The following TSC22D1 variants were observed in gnomAD, a reference collection of about 807,000 sequenced individuals.
TSC22D1 encodes the protein TSC22 domain family member 1, also known as TSC22 domain family protein 1.
A neutral mutation model predicts 74.2 loss-of-function variants in TSC22D1; 9 were observed. The observed-to-expected ratio is 0.12, with a 90% confidence interval of 0.07 to 0.21. The LOEUF (loss-of-function observed/expected upper bound fraction) is 0.21, where lower values mean the gene tolerates loss of function less well. Ranked by LOEUF, TSC22D1 falls within the 10% of genes least tolerant of loss-of-function variation. TSC22D1 has a pLI of 1.00. For missense variants in TSC22D1, 1,427 were observed against 1,304.7 expected (o/e 1.09, Z -1.44); for synonymous variants, 586 against 492.5 (o/e 1.19, Z -2.51).
intron 1 of TSC22D1, among the ~76,000 whole-genome samples, chr13:44,554,117 ACAGAACTAT>A (rs1439116240): frequency 2.8e-4 from 42 of 152,240 alleles, no homozygotes; most frequent in Admixed American, 6.5e-5. Flanking sequence ...CCATCGATTT[ACAGAACTAT>A]CAAGAACTGA....
intron 1 of TSC22D1, among the ~76,000 whole-genome samples, chr13:44,523,572 A>G (rs1377000011): frequency 1.3e-5 from 2 of 152,184 alleles, no homozygotes; most frequent in African/African-American, 4.8e-5. Context: ...GAAAGGCAAA[A>G]CTAGACAGAT....
chr13:44,474,830 G>A (rs2137917053), intron 1 of TSC22D1, among the ~76,000 whole-genome samples: 1 of 152,092 alleles, frequency 6.6e-6, no homozygotes, highest in African/African-American at 2.4e-5. Flanking sequence ...CAAAACCCAG[G>A]CAAGCAGGTA....
chr13:44,543,726 G>A (rs1203910102), intron 1 of TSC22D1, among the ~76,000 whole-genome samples: 2 of 152,206 alleles, frequency 1.3e-5, no homozygotes, highest in Non-Finnish European at 2.9e-5. Flanking sequence ...ATTTTGTCAA[G>A]TGGCCGATAT....
At chr13:44,494,037 C>A (rs1878843616) in intron 1 of TSC22D1, among the ~76,000 whole-genome samples, 1 of 152,044 alleles carries the variant, frequency 6.6e-6, no homozygotes, top group African/African-American at 2.4e-5. Context: ...TCAAGACCAG[C>A]CTGGGCAACA....
chr13:44,436,926 G>A (rs891016850), intron 1 of TSC22D1: 8 of 1,048,816 alleles, frequency 7.6e-6, no homozygotes, highest in Non-Finnish European at 9.2e-6. Context: ...GCACGCCACT[G>A]GGACCGCCCC....
chr13:44,537,338 A>G, intron 1 of TSC22D1: 2 of 985,030 alleles, frequency 2.0e-6, no homozygotes, highest in Non-Finnish European at 1.2e-6. Context: ...TTTTAAATAA[A>G]TAGCTTGTAG....
At chr13:44,472,864 T>C (rs952211802) in intron 1 of TSC22D1, among the ~76,000 whole-genome samples, 1 of 152,216 alleles carries the variant, frequency 6.6e-6, no homozygotes, top group African/African-American at 2.4e-5. Flanking sequence ...CCACATCTAA[T>C]TGTACAACTG....
chr13:44,529,039 C>CTAT (rs1183851201), intron 1 of TSC22D1, among the ~76,000 whole-genome samples: 1 of 152,048 alleles, frequency 6.6e-6, no homozygotes, highest in African/African-American at 2.4e-5. Context: ...TACCAATTCT[C>CTAT]TATAATCTCT....
chr13:44,437,771 G>C (rs972467428), intron 1 of TSC22D1, among the ~76,000 whole-genome samples: 2 of 152,164 alleles, frequency 1.3e-5, no homozygotes, highest in Admixed American at 1.3e-4. Context: ...TCTTACATCA[G>C]AGGGATTGAA....
chr13:44,571,875 T>C (rs1028760402), intron 1 of TSC22D1, among the ~76,000 whole-genome samples: 2 of 152,166 alleles, frequency 1.3e-5, no homozygotes, highest in African/African-American at 2.4e-5. Flanking sequence ...AATTTAACCA[T>C]GTCTTTATCT....
chr13:44,559,635 C>T (rs1327062486), intron 1 of TSC22D1, among the ~76,000 whole-genome samples: 2 of 151,918 alleles, frequency 1.3e-5, no homozygotes, highest in Non-Finnish European at 2.9e-5. Flanking sequence ...AGCAATTGTC[C>T]AGCCTCCCTA....
intron 1 of TSC22D1, among the ~76,000 whole-genome samples, chr13:44,484,788 T>G (rs1342637114): frequency 6.6e-6 from 1 of 152,156 alleles, no homozygotes; most frequent in African/African-American, 2.4e-5. Context: ...GCCACACAGG[T>G]GGGTATCCCT....
chr13:44,477,090 C>T (rs1340737725), intron 1 of TSC22D1, among the ~76,000 whole-genome samples: 5 of 152,086 alleles, frequency 3.3e-5, no homozygotes, highest in African/African-American at 4.8e-5. Flanking sequence ...AAATGATTTT[C>T]GTGCCTCAGC....
intron 1 of TSC22D1, among the ~76,000 whole-genome samples, chr13:44,567,310 A>C (rs1402187823): frequency 6.6e-6 from 1 of 152,188 alleles, no homozygotes; most frequent in East Asian, 1.9e-4. Flanking sequence ...CTCCAACCAA[A>C]CACCACAGCC....
At chr13:44,446,862 G>A (rs1021238526) in intron 1 of TSC22D1, among the ~76,000 whole-genome samples, 1 of 19,412 alleles carries the variant, frequency 5.2e-5, no homozygotes, top group Non-Finnish European at 1.7e-4. Flanking sequence ...AGGAAAAGAA[G>A]AAGAAAAAGA....
intron 1 of TSC22D1, among the ~76,000 whole-genome samples, chr13:44,561,075 G>A (rs548734635): frequency 6.6e-6 from 1 of 152,228 alleles, no homozygotes; most frequent in African/African-American, 2.4e-5. Flanking sequence ...GGGGGACCAG[G>A]GAGAGGAGGG....
chr13:44,456,169 T>C (rs1249959768), intron 1 of TSC22D1, among the ~76,000 whole-genome samples: 2 of 152,212 alleles, frequency 1.3e-5, no homozygotes, highest in African/African-American at 2.4e-5. Flanking sequence ...ATAAAGGTAG[T>C]GCAGACCCAA....
Position 44,574,294 on chromosome 13 carries a change from T to G in TSC22D1, c.1781A>C (p.Gln594Pro). The change falls in exon 1 of 3, where the codon CAG (glutamine) becomes CCG (proline). Residue 594 changes from glutamine (Q) to proline (P), a missense_variant. Coordinates refer to ENST00000458659, the MANE Select transcript of TSC22D1 (RefSeq NM_183422.4). ...VVGVTSALGQ[Q>P]PSISSLAQPQ... ...TTGAGCCAAACTGGAAATGGAAGGC[T>G]GCTGACCTAAAGCTGAAGTTACACC... is the stretch of plus-strand genomic sequence containing the variant. 1.2e-6 allele frequency: 2 copies of G among 1,614,238 alleles called. No homozygotes were observed. Among genetic ancestry groups the G allele is most frequent in the East Asian group, 2.2e-5 (1 of 44,886 alleles).
Position 44,573,919 on chromosome 13 carries a change from G to A in TSC22D1, c.2156C>T (p.Ala719Val). 1 of 1,614,172 alleles carries A rather than the reference G, an allele frequency of 6.2e-7. No individual in the cohort carries two copies. The highest frequency in any genetic ancestry group is 8.5e-7 in the Non-Finnish European group (1 of 1,180,044). Reference protein sequence around the residue: ...SVQPVGQAPAAVSAVPTGSQI... With the variant: ...SVQPVGQAPAVVSAVPTGSQI... ...ACTGCCAGTAGGTACAGCAGACACT[G>A]CTGCCGGAGCCTGGCCAACAGGCTG... The change falls in exon 1 of 3, where the codon GCA becomes GTA. Residue 719 changes from alanine (A) to valine (V), a missense_variant. Around this residue, in one of 3 missense-constraint regions of TSC22D1, gnomAD observed 1,343 missense variants for 1,191.5 expected, o/e 1.13. Transcript: ENST00000458659.
Sources: allele counts gnomAD v4.1 joint callset (sites outside exome capture counted in the v4.1 genomes callset), GRCh38; gene constraint gnomAD v4.1.1; regional missense constraint gnomAD v4.1.1; transcripts MANE v1.5; gene names NCBI Gene and HGNC (gene_info 2026-07-23, HGNC 2026-07-21).